RMDN2: variants seen among roughly 807,000 people sequenced by gnomAD.
RMDN2 encodes regulator of microtubule dynamics protein 2.
A neutral mutation model predicts 52.8 loss-of-function variants in RMDN2; 61 were observed. The ratio of observed to expected loss-of-function variants is 1.16; its 90% confidence interval spans 0.94 to 1.43. RMDN2 has a LOEUF of 1.43. Ranked by LOEUF, RMDN2 falls within the 40% of genes most tolerant of loss-of-function variation. The pLI is 0.00. For synonymous variants in RMDN2, 180 were observed against 153.1 expected (o/e 1.18, Z -1.30); for missense variants, 592 against 475.3 (o/e 1.25, Z -2.28).
intron 2 of RMDN2, among the ~76,000 whole-genome samples, chr2:37,946,262 G>A (rs1668212272): frequency 6.6e-6 from 1 of 152,134 alleles, no homozygotes; most frequent in South Asian, 2.1e-4. Flanking sequence ...GGAGGTGTAG[G>A]GGGTTGGAAG....
chr2:37,950,680 C>T, intron 2 of RMDN2: 8 of 1,305,414 alleles, frequency 6.1e-6, no homozygotes, highest in Non-Finnish European at 8.9e-6. Context: ...TCCTTTGTTT[C>T]CCATAATAAC....
chr2:37,958,396 T>C (rs531340252), intron 2 of RMDN2, among the ~76,000 whole-genome samples: 1 of 151,526 alleles, frequency 6.6e-6, no homozygotes, highest in South Asian at 2.1e-4. Flanking sequence ...TATTTTATTC[T>C]ATTTGTAGCA....
At chr2:38,048,819 T>A (rs1430555859) in intron 10 of RMDN2, among the ~76,000 whole-genome samples, 3 of 152,226 alleles carry the variant, frequency 2.0e-5, no homozygotes, top group Non-Finnish European at 4.4e-5. Context: ...CTGTCGCAAC[T>A]TAGAGGCAGG....
intron 2 of RMDN2, among the ~76,000 whole-genome samples, chr2:37,971,479 G>C (rs759990747): frequency 1.3e-5 from 2 of 151,940 alleles, no homozygotes; most frequent in Non-Finnish European, 2.9e-5. Flanking sequence ...AAATATATTC[G>C]TCTGTATTTT....
At chr2:37,961,479 A>G (rs916591644) in intron 2 of RMDN2, among the ~76,000 whole-genome samples, 3 of 151,370 alleles carry the variant, frequency 2.0e-5, no homozygotes, top group Non-Finnish European at 4.4e-5. Flanking sequence ...CTTGATTGAT[A>G]TGGTTATTGA....
intron 4 of RMDN2, among the ~76,000 whole-genome samples, chr2:37,979,313 A>G (rs934662421): frequency 6.6e-6 from 1 of 152,218 alleles, no homozygotes; most frequent in African/African-American, 2.4e-5. Context: ...GGAAAAGATA[A>G]TAAAGGGACA....
At chr2:37,965,536 T>C (rs1232641253) in intron 2 of RMDN2, among the ~76,000 whole-genome samples, 1 of 152,160 alleles carries the variant, frequency 6.6e-6, no homozygotes, top group Non-Finnish European at 1.5e-5. Context: ...TTTGTTGATA[T>C]TACAAATTAC....
At chr2:38,063,986 ATG>A (rs111636719) in intron 10 of RMDN2, among the ~76,000 whole-genome samples, 25 of 151,858 alleles carry the variant, frequency 1.6e-4, no homozygotes, top group African/African-American at 4.3e-4. Context: ...GTGTGTGTGT[ATG>A]TGTGTGTGTG....
intron 10 of RMDN2, chr2:38,028,175 T>C (rs1573170390): frequency 6.6e-6 from 1 of 152,324 alleles, no homozygotes; most frequent in East Asian, 1.9e-4. Flanking sequence ...GCTTACACAA[T>C]TTGGAGAATC....
At chr2:38,022,352 T>C (rs1395827075), downstream of RMDN2, among the ~76,000 whole-genome samples, 1 of 152,206 alleles carries the variant, frequency 6.6e-6, no homozygotes, top group East Asian at 1.9e-4. Context: ...TTTTCTATGG[T>C]TACTTCACTC....
At chr2:37,963,911 C>G (rs1033151645) in intron 2 of RMDN2, among the ~76,000 whole-genome samples, 2 of 151,258 alleles carry the variant, frequency 1.3e-5, no homozygotes, top group African/African-American at 4.9e-5. Context: ...GGCGCCCCCC[C>G]ACCTCCCGGA....
intron 4 of RMDN2, among the ~76,000 whole-genome samples, chr2:37,980,341 T>G (rs1673137396): frequency 6.6e-6 from 1 of 152,084 alleles, no homozygotes; most frequent in Non-Finnish European, 1.5e-5. Flanking sequence ...TCTCGCTCTG[T>G]CCCCCAGGCT....
intron 10 of RMDN2, chr2:38,012,535 T>A (rs1573090654): frequency 2.9e-5 from 13 of 455,028 alleles, no homozygotes; most frequent in South Asian, 2.2e-4. Flanking sequence ...GGCTAGACAT[T>A]GGAAGTATTT....
At chr2:37,932,306 C>T (rs1666829402) in intron 2 of RMDN2, among the ~76,000 whole-genome samples, 1 of 151,780 alleles carries the variant, frequency 6.6e-6, no homozygotes, top group Non-Finnish European at 1.5e-5. Flanking sequence ...TAACAAAGCA[C>T]ATCTTGCACC....
chr2:37,993,362 G>C (rs1484409832), intron 7 of RMDN2, among the ~76,000 whole-genome samples: 5 of 152,178 alleles, frequency 3.3e-5, no homozygotes, highest in Admixed American at 3.3e-4. Context: ...CTTCCGCCAA[G>C]GTAATAAAGC....
At chr2:37,981,614 A>G (rs925510255) in intron 5 of RMDN2, among the ~76,000 whole-genome samples, 9 of 152,232 alleles carry the variant, frequency 5.9e-5, no homozygotes, top group Non-Finnish European at 1.0e-4. Flanking sequence ...TTATAATTAA[A>G]TCTAGTTCAG....
chr2:38,042,465 G>A (rs991484384), intron 10 of RMDN2, among the ~76,000 whole-genome samples: 2 of 145,638 alleles, frequency 1.4e-5, no homozygotes, highest in African/African-American at 5.2e-5. Context: ...ACACACATCA[G>A]GTTTTGGTTT....
intron 10 of RMDN2, among the ~76,000 whole-genome samples, chr2:38,051,187 A>G (rs1681574437): frequency 6.6e-6 from 1 of 152,252 alleles, no homozygotes; most frequent in Non-Finnish European, 1.5e-5. Flanking sequence ...AATTCATGCA[A>G]TTAGACTGAG....
intron 4 of RMDN2, among the ~76,000 whole-genome samples, chr2:37,977,767 G>GTAC (rs2125085304): frequency 6.6e-6 from 1 of 152,044 alleles, no homozygotes; most frequent in South Asian, 2.1e-4. Flanking sequence ...ACGATGGGTG[G>GTAC]CCGGGCAGAG....
Sources: allele counts gnomAD v4.1 joint callset (sites outside exome capture counted in the v4.1 genomes callset), GRCh38; gene constraint gnomAD v4.1.1; transcripts MANE v1.5; gene names NCBI Gene and HGNC (gene_info 2026-07-23, HGNC 2026-07-21).